Variants in RNF214 observed in about 807,000 individuals in gnomAD.
The protein encoded by RNF214 is ring finger protein 214.
In RNF214, 25 loss-of-function variants were observed where a neutral mutation model predicts 75.9. The ratio of observed to expected loss-of-function variants is 0.33; its 90% confidence interval spans 0.24 to 0.46. RNF214 has a LOEUF of 0.46. Ranked by LOEUF, RNF214 falls within the 20% of genes least tolerant of loss-of-function variation. The probability of loss-of-function intolerance (pLI) is 1.00; values close to 1 mark genes in which losing one functional copy is unlikely to be tolerated. For missense variants in RNF214, 725 were observed against 857.5 expected (o/e 0.85, Z 1.93); for synonymous variants, 314 against 308.8 (o/e 1.02, Z -0.18).
rs2034258387 is a variant in RNF214 at position 117,286,290 on chromosome 11, A to G, written c.*1139A>G. The G allele has an allele frequency of 6.6e-6, 1 of 152,212 alleles. No homozygotes were observed. Among genetic ancestry groups the G allele is most frequent in the Admixed American group, 6.5e-5 (1 of 15,274 alleles). 9.4% of individuals were successfully genotyped at this position (152,212 alleles called of 1,614,324 possible). A position where few individuals can be genotyped will look rare whatever the true frequency, so the allele number is the denominator to read the frequency against. On this transcript the variant is annotated 3_prime_UTR_variant, in exon 15 of 15. Coordinates refer to ENST00000300650, the MANE Select transcript of RNF214 (RefSeq NM_207343.4). ...TCTGTGGGTAGCTATCAGGAACTAG[A>G]TCATTTTCCACCTCTGCTTATTGTA...
Position 117,282,167 on chromosome 11 carries a change from T to A in RNF214, c.1609T>A (p.Leu537Met). 2 of 1,614,008 alleles carry A rather than the reference T, an allele frequency of 1.2e-6. No individual in the cohort carries two copies. The highest frequency in any genetic ancestry group is 1.7e-6 in the Non-Finnish European group (2 of 1,179,938). The change falls in exon 11 of 15, where the codon TTG becomes ATG. Residue 537 changes from leucine to methionine, a missense_variant. Physicochemically the swap from Leu to Met is conservative, Grantham distance 15. This residue lies in a region of RNF214 where 363 missense variants were observed against 513.0 expected (regional missense o/e 0.71). Coordinates refer to ENST00000300650, the MANE Select transcript of RNF214 (RefSeq NM_207343.4). Reference protein sequence around the residue: ...PAASIPPPPGLGGVKASAETP... With the variant: ...PAASIPPPPGMGGVKASAETP... ...CGCCTCCATCCCACCTCCCCCAGGCTTGGGCGGTGTTAAGGCTTCTGCTGA... is the reference window on the plus strand; with the variant it reads ...CGCCTCCATCCCACCTCCCCCAGGCATGGGCGGTGTTAAGGCTTCTGCTGA...
chr11:117,266,878 A>T (rs1377835611), intron 6 of RNF214, among the ~76,000 whole-genome samples: 1 of 133,564 alleles, frequency 7.5e-6, no homozygotes. Flanking sequence ...TTTTTGAGAC[A>T]GAGTCTCACT....
chr11:117,251,372 G>A (rs2033382269), intron 6 of RNF214, among the ~76,000 whole-genome samples: 1 of 144,320 alleles, frequency 6.9e-6, no homozygotes, highest in Non-Finnish European at 1.5e-5. Flanking sequence ...GGCTGGCCGG[G>A]CGGGGGGCTG....
At chr11:117,266,010 G>C (rs889615112) in intron 6 of RNF214, among the ~76,000 whole-genome samples, 31 of 152,046 alleles carry the variant, frequency 2.0e-4, no homozygotes, top group Admixed American at 3.3e-4. Flanking sequence ...GTATATTTTT[G>C]AGATTCATCC....
chr11:117,281,551 A>G (rs1446639285), intron 9 of RNF214, 49 bp from the exon 10 acceptor site: 2 of 1,479,828 alleles, frequency 1.4e-6, no homozygotes, highest in African/African-American at 1.4e-5. Context: ...CTGTCTTTCT[A>G]GAGAGCCTGA....
At chr11:117,260,966 A>G (rs1465488525) in intron 6 of RNF214, among the ~76,000 whole-genome samples, 1 of 150,956 alleles carries the variant, frequency 6.6e-6, no homozygotes, top group East Asian at 2.0e-4. Context: ...GATTTTCTAC[A>G]TAAACAGTCA....
rs2134376036 is a variant in RNF214, at chr11:117,251,246, GACCCCGC to G, written c.959+4299_959+4305del. 9.2e-5 allele frequency among the ~76,000 whole-genome samples: 2 copies of G among 21,632 alleles called. 1 individual carries two copies. Among genetic ancestry groups the G allele is most frequent in the East Asian group, 1.8e-3 (2 of 1,118 alleles). The allele number at this position is 21,632 out of a possible 152,430, so 14.2% of individuals were successfully genotyped here. A position where few individuals can be genotyped will look rare whatever the true frequency, so the allele number is the denominator to read the frequency against. Reference sequence around the variant, plus strand: ...GGGGCGGCTGGCCGGGCGGGGGGCTGACCCCGCTGACCCCCCCACCTCCCTCCGGGAC... The same window carrying G: ...GGGGCGGCTGGCCGGGCGGGGGGCTGTGACCCCCCCACCTCCCTCCGGGAC... On this transcript the variant is annotated intron_variant, in intron 6 of 14. Coordinates refer to ENST00000300650, the MANE Select transcript of RNF214 (RefSeq NM_207343.4).
intron 5 of RNF214, among the ~76,000 whole-genome samples, chr11:117,246,510 A>G (rs114548802): frequency 1.8e-3 from 269 of 152,330 alleles, no homozygotes; most frequent in African/African-American, 6.1e-3. Flanking sequence ...TTCAGCCTTT[A>G]TTTGAACACC....
intron 6 of RNF214, among the ~76,000 whole-genome samples, chr11:117,251,189 G>A (rs1466408793): frequency 2.1e-5 from 3 of 142,806 alleles, no homozygotes; most frequent in African/African-American, 5.3e-5. Flanking sequence ...CAGTAGGGGC[G>A]GCCGGGCAGA....
At chr11:117,267,120 G>A (rs182462060) in intron 6 of RNF214, among the ~76,000 whole-genome samples, 406 of 152,120 alleles carry the variant, frequency 2.7e-3, no homozygotes, top group Admixed American at 6.0e-3. Flanking sequence ...AATTATAGGC[G>A]TTCTTTATAC....
At position 117,282,952 on chromosome 11, in the gene RNF214, T is replaced by C. The variant is rs1591844271; in HGVS notation, c.1950+102T>C. On this transcript the variant is annotated intron_variant, in intron 13 of 14. Transcript: ENST00000300650. ...CAGGAAGAAACCATCAGTTGGGTTA[T>C]TTGCAGCCCTACTGGGAAAATGCAA... is the stretch of plus-strand genomic sequence containing the variant. The C allele has an allele frequency of 8.6e-6, 9 of 1,040,568 alleles. No homozygotes were observed. The East Asian group carries it at 1.9e-4, about 22-fold the overall frequency. The allele number at this position is 1,040,568 out of a possible 1,614,324, so 64.5% of individuals were successfully genotyped here. A position where few individuals can be genotyped will look rare whatever the true frequency, so the allele number is the denominator to read the frequency against.
chr11:117,244,406 A>C, intron 4 of RNF214, 39 bp from the exon 5 acceptor site: 3 of 1,576,234 alleles, frequency 1.9e-6, no homozygotes, highest in Non-Finnish European at 2.6e-6. Context: ...TCTTGTGATT[A>C]AATTAGGAAA....
At position 117,285,201 on chromosome 11, in the gene RNF214, C is replaced by T. The variant is rs755157957; in HGVS notation, c.*50C>T. On this transcript the variant is annotated 3_prime_UTR_variant, in exon 15 of 15. Coordinates refer to ENST00000300650, the MANE Select transcript of RNF214 (RefSeq NM_207343.4). ...AAGAGAAACTGATGTGAACAGGAAG[C>T]GCGGGTTCAAGATTTCTAAAACTCT... The T allele has an allele frequency of 1.2e-5, 15 of 1,289,354 alleles. No individual in the cohort carries two copies. Among genetic ancestry groups the T allele is most frequent in the East Asian group, 4.6e-5 (2 of 43,402 alleles). 79.9% of individuals were successfully genotyped at this position (1,289,354 alleles called of 1,614,324 possible).
intron 6 of RNF214, among the ~76,000 whole-genome samples, chr11:117,248,177 G>A (rs371426769): frequency 5.9e-5 from 9 of 152,240 alleles, no homozygotes; most frequent in African/African-American, 2.2e-4. Context: ...CCGGGTTCAC[G>A]CCATTCTCCT....
intron 6 of RNF214, among the ~76,000 whole-genome samples, chr11:117,262,188 A>T (rs1328426050): frequency 6.7e-6 from 1 of 149,906 alleles, no homozygotes; most frequent in East Asian, 2.0e-4. Flanking sequence ...CCGGGTTCAC[A>T]CCATTCTCCT....
intron 2 of RNF214, among the ~76,000 whole-genome samples, chr11:117,236,886 T>C (rs902854381): frequency 7.9e-5 from 12 of 152,236 alleles, no homozygotes; most frequent in Non-Finnish European, 1.3e-4. Flanking sequence ...CATTATCTCA[T>C]GTAATCCTCA....
rs1170336988 is a variant in RNF214 at position 117,282,220 on chromosome 11, A to ACTGGAGAAGATC, written c.1672_1683dup (p.Ile558_Lys561dup). On this transcript the variant is annotated inframe_insertion, in exon 11 of 15. Transcript: ENST00000300650. ...CTCCCCGGCCCCAACCAGTAGACAA[A>ACTGGAGAAGATC]CTGGAGAAGATCCTGGAGAAGCTGC... The ACTGGAGAAGATC allele has an allele frequency of 6.2e-7, 1 of 1,609,668 alleles. No individual in the cohort carries two copies. The highest frequency in any genetic ancestry group is 1.7e-5 in the Admixed American group (1 of 59,636).
intron 4 of RNF214, among the ~76,000 whole-genome samples, chr11:117,240,260 C>G (rs982419343): frequency 6.6e-6 from 1 of 151,342 alleles, no homozygotes; most frequent in African/African-American, 2.4e-5. Flanking sequence ...GTCCTAGCTA[C>G]TCAGGAGACA....
chr11:117,253,138 A>G (rs1416561512), intron 6 of RNF214, among the ~76,000 whole-genome samples: 1 of 151,924 alleles, frequency 6.6e-6, no homozygotes, highest in Non-Finnish European at 1.5e-5. Context: ...TCAGCTTCCC[A>G]AGTAGCTGGG....
Sources: gnomAD v4.1 joint callset for allele counts (sites outside exome capture counted in the v4.1 genomes callset) on GRCh38, gnomAD v4.1.1 for gene constraint, gnomAD v4.1.1 regional missense constraint, MANE v1.5 for transcripts, NCBI Gene and HGNC (gene_info 2026-07-23, HGNC 2026-07-21) for gene names.